The following DOCK4 variants were observed in gnomAD, a reference collection of about 807,000 sequenced individuals.
DOCK4 encodes dedicator of cytokinesis 4.
DOCK4 carries 97 observed loss-of-function variants against 268.1 expected under a neutral mutation model. The ratio of observed to expected loss-of-function variants is 0.36; its 90% CI spans 0.31 to 0.43. The LOEUF is 0.43. DOCK4 is among the 20% of genes least tolerant of loss of function. The pLI is 1.00. For synonymous variants in DOCK4, 954 were observed against 887.2 expected, an observed-to-expected ratio of 1.08 and a Z score of -1.34; for missense variants, 2,145 against 2,455.7, an observed-to-expected ratio of 0.87 and a Z score of 2.67.
intron 25 of DOCK4, among the ~76,000 whole-genome samples, chr7:111,840,578 C>T (rs983530834): frequency 6.6e-6 from 1 of 151,308 alleles, no homozygotes; most frequent in African/African-American, 2.4e-5. Context: ...AAAAAACAGT[C>T]GGTGGAAAAA....
intron 1 of DOCK4, among the ~76,000 whole-genome samples, chr7:112,202,624 C>T (rs1587052869): frequency 1.3e-5 from 2 of 152,000 alleles, no homozygotes; most frequent in East Asian, 3.9e-4. Context: ...ATCCCAGTTA[C>T]TCAGGAGGCT....
chr7:112,119,086 T>C (rs955243014), intron 1 of DOCK4, among the ~76,000 whole-genome samples: 2 of 152,036 alleles, frequency 1.3e-5, no homozygotes, highest in African/African-American at 2.4e-5. Context: ...AAAACACCCA[T>C]AGACAATGGC....
At chr7:111,772,400 G>A (rs1201638312) in intron 36 of DOCK4, among the ~76,000 whole-genome samples, 5 of 152,160 alleles carry the variant, frequency 3.3e-5, no homozygotes, top group Non-Finnish European at 7.3e-5. Flanking sequence ...TCTGTCGGTG[G>A]ATGGTGGTAA....
intron 13 of DOCK4, 56 bp from the exon 14 acceptor site, chr7:111,901,857 A>T: frequency 7.4e-7 from 1 of 1,357,308 alleles, no homozygotes; most frequent in East Asian, 2.5e-5. Context: ...AATGTAATAA[A>T]GTGCTCTATC....
chr7:111,998,337 G>T, intron 4 of DOCK4, 111 bp downstream of exon 4: 1 of 825,934 alleles, frequency 1.2e-6, no homozygotes, highest in Non-Finnish European at 1.8e-6. Flanking sequence ...ACAGACAATG[G>T]TATGATCTTC....
At chr7:111,789,277 A>G (rs1415068000) in intron 31 of DOCK4, 1 of 154,950 alleles carries the variant, frequency 6.5e-6, no homozygotes, top group African/African-American at 2.4e-5. Flanking sequence ...CTAAGTCAGC[A>G]ATAAGCAGCA....
rs1324118721 is a variant in DOCK4 at position 111,726,241 on chromosome 7, C to T, written c.*2033G>A. 1 of 150,252 alleles carries T rather than the reference C, an allele frequency of 6.7e-6. No homozygotes were observed. The highest frequency in any genetic ancestry group is 6.6e-5 in the Admixed American group (1 of 15,210). The allele number at this position is 150,252 out of a possible 1,614,324, so 9.3% of individuals were successfully genotyped here. A position where few individuals can be genotyped will look rare whatever the true frequency, so the allele number is the denominator to read the frequency against. On this transcript the variant is annotated 3_prime_UTR_variant, in exon 53 of 53. Coordinates refer to ENST00000428084, the MANE Select transcript of DOCK4 (RefSeq NM_001363540.2). ...CAGAAATACACACACATGATAAATTCAAGATAAATTCAACTGCTCACTGCC... is the reference window on the plus strand; with the variant it reads ...CAGAAATACACACACATGATAAATTTAAGATAAATTCAACTGCTCACTGCC...
At chr7:111,951,729 C>A (rs916370636) in intron 8 of DOCK4, among the ~76,000 whole-genome samples, 1 of 151,292 alleles carries the variant, frequency 6.6e-6, no homozygotes, top group East Asian at 2.0e-4. Flanking sequence ...ATCCCAGGCA[C>A]TCAGTAGCTG....
At chr7:112,006,147 A>G (rs1554410002) in intron 1 of DOCK4, among the ~76,000 whole-genome samples, 2 of 152,028 alleles carry the variant, frequency 1.3e-5, no homozygotes, top group Non-Finnish European at 2.9e-5. Context: ...ATGGATTTGA[A>G]CCCCAATCTC....
chr7:112,003,573 T>C (rs1041791008), intron 2 of DOCK4, among the ~76,000 whole-genome samples: 1 of 152,230 alleles, frequency 6.6e-6, no homozygotes, highest in Non-Finnish European at 1.5e-5. Flanking sequence ...CTACTAATAT[T>C]ATTCAAGTGC....
At chr7:111,916,430 T>C (rs17158991) in intron 12 of DOCK4, among the ~76,000 whole-genome samples, 2,658 of 152,258 alleles carry the variant, frequency 0.017, 83 homozygotes, top group African/African-American at 0.059. Flanking sequence ...AAGCCGATTA[T>C]AATGAAACCA....
chr7:112,047,427 G>A (rs1043231617), intron 1 of DOCK4, among the ~76,000 whole-genome samples: 3 of 152,152 alleles, frequency 2.0e-5, no homozygotes, highest in Non-Finnish European at 4.4e-5. Context: ...TAATACAGAT[G>A]TTAGAATTAG....
At position 112,160,898 on chromosome 7, in the gene DOCK4, T is replaced by C. The variant is rs761682133; in HGVS notation, c.37+45204A>G. ...TATTTTCACGGGCTAACATCGACTC[T>C]GAGCTCTATTAAGCAGGACTCGAGG... On this transcript the variant is annotated intron_variant, in intron 1 of 52. Coordinates refer to ENST00000428084, the MANE Select transcript of DOCK4 (RefSeq NM_001363540.2). 1.6e-4 allele frequency among the ~76,000 whole-genome samples: 25 copies of C among 152,334 alleles called. No individual in the cohort carries two copies. The Middle Eastern group carries it at 0.014, about 83-fold the overall frequency.
chr7:112,156,311 G>C (rs776064403), intron 1 of DOCK4, among the ~76,000 whole-genome samples: 1 of 152,076 alleles, frequency 6.6e-6, no homozygotes, highest in Non-Finnish European at 1.5e-5. Flanking sequence ...AGAACTTAGC[G>C]GCCAATTATG....
chr7:111,989,392 G>A (rs933069022), intron 5 of DOCK4, among the ~76,000 whole-genome samples: 17 of 152,138 alleles, frequency 1.1e-4, no homozygotes, highest in African/African-American at 2.9e-4. Context: ...GTCCAGAAAT[G>A]CAACTTTACT....
chr7:111,879,224 A>C (rs1807171661), intron 16 of DOCK4, among the ~76,000 whole-genome samples: 1 of 152,160 alleles, frequency 6.6e-6, no homozygotes, highest in Non-Finnish European at 1.5e-5. Flanking sequence ...ATCCTGGGCC[A>C]AAAGGGAGCC....
At chr7:111,929,140 A>ATGTGTG (rs1279872428) in intron 12 of DOCK4, among the ~76,000 whole-genome samples, 1 of 152,174 alleles carries the variant, frequency 6.6e-6, no homozygotes, top group Non-Finnish European at 1.5e-5. Context: ...ATATGTACAT[A>ATGTGTG]TGTGTGTATA....
At position 112,170,191 on chromosome 7, in the gene DOCK4, C is replaced by T. The variant is rs975973179; in HGVS notation, c.37+35911G>A. 2.6e-5 allele frequency among the ~76,000 whole-genome samples: 4 copies of T among 152,154 alleles called. 1 individual carries two copies. The highest frequency in any genetic ancestry group is 4.2e-4 in the South Asian group (2 of 4,812). On this transcript the variant is annotated intron_variant, in intron 1 of 52. Transcript: ENST00000428084. The stretch of plus-strand genomic sequence containing the variant: ...ATATGTGGTCGGGCACAGTGACCAC[C>T]GGTAATCCCAGCGCTTTGGGAGGCT...
At chr7:112,048,609 C>T (rs1805066330) in intron 1 of DOCK4, among the ~76,000 whole-genome samples, 1 of 150,696 alleles carries the variant, frequency 6.6e-6, no homozygotes, top group Non-Finnish European at 1.5e-5. Context: ...GAGAAAAATG[C>T]ACATTAAGTA....
Sources: gnomAD v4.1 joint callset for allele counts (sites outside exome capture counted in the v4.1 genomes callset) on GRCh38, gnomAD v4.1.1 for gene constraint, MANE v1.5 for transcripts, NCBI Gene and HGNC (gene_info 2026-07-23, HGNC 2026-07-21) for gene names.